The following ENO4 variants were observed in gnomAD, a reference collection of about 807,000 sequenced individuals.
ENO4 encodes enolase 4.
In ENO4, 53 loss-of-function variants were observed where a neutral mutation model predicts 63.2. The ratio of observed to expected loss-of-function variants is 0.84; its 90% CI spans 0.67 to 1.05. The LOEUF (loss-of-function observed/expected upper bound fraction) is 1.05, where lower values mean the gene tolerates loss of function less well. Among genes scored for constraint, ENO4 ranks in the 50% least tolerant of loss-of-function variants. The pLI is 0.00. For missense variants in ENO4, 719 were observed against 772.0 expected, an observed-to-expected ratio of 0.93 and a Z score of 0.81; for synonymous variants, 266 against 283.8, an observed-to-expected ratio of 0.94 and a Z score of 0.63.
intron 11 of ENO4, among the ~76,000 whole-genome samples, chr10:116,878,055 G>T (rs1275535380): frequency 6.6e-6 from 1 of 152,144 alleles, no homozygotes; most frequent in African/African-American, 2.4e-5. Flanking sequence ...TCCCTAACTG[G>T]TTCAGTTCTG....
At chr10:116,878,807 G>T (rs549480246) in intron 11 of ENO4, among the ~76,000 whole-genome samples, 56 of 146,280 alleles carry the variant, frequency 3.8e-4, no homozygotes, top group African/African-American at 1.3e-3. Context: ...GCAGTGGCGC[G>T]ATCTCAGCTC....
chr10:116,878,798 C>T (rs771031578), intron 11 of ENO4, among the ~76,000 whole-genome samples: 131 of 131,916 alleles, frequency 9.9e-4, no homozygotes, highest in Non-Finnish European at 1.5e-3. Flanking sequence ...AGCTGGAGTG[C>T]AGTGGCGCGA....
Position 116,881,670 on chromosome 10 carries a change from G to C in ENO4, c.*1G>C. 1 of 1,513,282 alleles carries C rather than the reference G, an allele frequency of 6.6e-7. No homozygotes were observed. Among genetic ancestry groups the C allele is most frequent in the Non-Finnish European group, 8.9e-7 (1 of 1,127,954 alleles). The allele number at this position is 1,513,282 out of a possible 1,614,324, so 93.7% of individuals were successfully genotyped here. Reference sequence around the variant, plus strand: ...CGAAACAGGAGCATCCTCTGGATAGGGCTGTACACACCCCAGGTTCCAGCC... The same window carrying C: ...CGAAACAGGAGCATCCTCTGGATAGCGCTGTACACACCCCAGGTTCCAGCC... On this transcript the variant is annotated 3_prime_UTR_variant, in exon 14 of 14. Coordinates refer to ENST00000341276, the MANE Select transcript of ENO4 (RefSeq NM_001242699.2).
At chr10:116,863,674 A>G (rs1172318590) in intron 7 of ENO4, among the ~76,000 whole-genome samples, 1 of 152,252 alleles carries the variant, frequency 6.6e-6, no homozygotes, top group Non-Finnish European at 1.5e-5. Flanking sequence ...ATAGCAGTGT[A>G]ACATGGAGGC....
At chr10:116,879,787 T>A (rs1051455713) in intron 12 of ENO4, 82 bp from the exon 13 acceptor site, 3 of 1,081,954 alleles carry the variant, frequency 2.8e-6, no homozygotes, top group Non-Finnish European at 4.0e-6. Flanking sequence ...ACTGTGACAG[T>A]TTCCTTTGTC....
chr10:116,862,391 C>T (rs1029035317), intron 6 of ENO4, among the ~76,000 whole-genome samples: 3 of 151,836 alleles, frequency 2.0e-5, no homozygotes, highest in Non-Finnish European at 4.4e-5. Context: ...TTGAACAATT[C>T]GGAGTTTGCA....
intron 11 of ENO4, among the ~76,000 whole-genome samples, chr10:116,877,810 T>C (rs1055409113): frequency 6.6e-6 from 1 of 152,168 alleles, no homozygotes; most frequent in African/African-American, 2.4e-5. Context: ...CCTTACAGCA[T>C]CCCTGTGAAG....
intron 10 of ENO4, among the ~76,000 whole-genome samples, chr10:116,899,546 T>TGTGTGTGA (rs1311755308): frequency 0.011 from 1,384 of 123,774 alleles, 27 homozygotes; most frequent in African/African-American, 0.039. Context: ...TGTGTGTGTG[T>TGTGTGTGA]GAGAGAGTGC....
At chr10:116,881,127 G>C (rs1256915737) in intron 13 of ENO4, among the ~76,000 whole-genome samples, 1 of 152,170 alleles carries the variant, frequency 6.6e-6, no homozygotes, top group East Asian at 1.9e-4. Flanking sequence ...TACATGTAAG[G>C]ACCTGACTGG....
At chr10:116,882,726 A>G (rs1001082043), downstream of ENO4, 4 of 152,180 alleles carry the variant, frequency 2.6e-5, no homozygotes, top group Non-Finnish European at 5.9e-5. Flanking sequence ...TAATTTCCTC[A>G]TAACAGAGCC....
chr10:116,909,295 C>T (rs1848097411), intron 10 of ENO4, among the ~76,000 whole-genome samples: 1 of 152,138 alleles, frequency 6.6e-6, no homozygotes, highest in Non-Finnish European at 1.5e-5. Context: ...GTTCATAATA[C>T]TAACTAATCT....
intron 10 of ENO4, among the ~76,000 whole-genome samples, chr10:116,898,459 T>C (rs1173399652): frequency 1.3e-5 from 2 of 152,122 alleles, no homozygotes; most frequent in Non-Finnish European, 2.9e-5. Context: ...CAGAAGAGCA[T>C]GAAAGCAAAA....
chr10:116,905,196 G>A (rs866330564), intron 10 of ENO4, among the ~76,000 whole-genome samples: 148 of 138,600 alleles, frequency 1.1e-3, no homozygotes, highest in African/African-American at 3.6e-3. Flanking sequence ...GCGACAGAGC[G>A]AGACTCCGTC....
At chr10:116,870,400 G>T (rs1846655400) in intron 8 of ENO4, among the ~76,000 whole-genome samples, 1 of 152,118 alleles carries the variant, frequency 6.6e-6, no homozygotes, top group Non-Finnish European at 1.5e-5. Flanking sequence ...GCCAACACCT[G>T]TAATCACAGC....
At position 116,874,115 on chromosome 10, in the gene ENO4, A is replaced by C. The variant is rs1269520088; in HGVS notation, c.1255A>C (p.Asn419His). The change falls in exon 10 of 14, where the codon AAT (asparagine) becomes CAT (histidine). Residue 419 changes from asparagine (N) to histidine (H), a missense_variant. Physicochemically the swap from Asn to His is moderately conservative, Grantham distance 68. This residue lies in a region of ENO4 where 544 missense variants were observed against 583.6 expected (regional missense o/e 0.93). Transcript: ENST00000341276. ...TGAAGTGATCATGGGCACATACAAAAATGCAGCGGAGATGGTTGACCTGTA... is the reference window on the plus strand; with the variant it reads ...TGAAGTGATCATGGGCACATACAAACATGCAGCGGAGATGGTTGACCTGTA... ...KYEVIMGTYKNAAEMVDLYVD... is the reference protein window; with the variant it reads ...KYEVIMGTYKHAAEMVDLYVD... 1 of 1,549,912 alleles carries C rather than the reference A, an allele frequency of 6.5e-7. No individual in the cohort carries two copies. Among genetic ancestry groups the C allele is most frequent in the South Asian group, 1.2e-5 (1 of 83,966 alleles).
chr10:116,888,550 A>C (rs755424309), intron 10 of ENO4, among the ~76,000 whole-genome samples: 18 of 152,118 alleles, frequency 1.2e-4, no homozygotes, highest in Non-Finnish European at 2.1e-4. Context: ...AGCTGCACCT[A>C]TCTCTCTCTC....
At chr10:116,860,693 G>T (rs1846386267) in intron 4 of ENO4, 101 bp from the exon 5 acceptor site, 1 of 907,274 alleles carries the variant, frequency 1.1e-6, no homozygotes, top group East Asian at 2.9e-5. Flanking sequence ...AGCATTTGTT[G>T]TTCCCAGCCT....
chr10:116,903,003 C>T (rs1361712928), intron 10 of ENO4, among the ~76,000 whole-genome samples: 2 of 152,134 alleles, frequency 1.3e-5, no homozygotes, highest in Non-Finnish European at 2.9e-5. Flanking sequence ...AATAGCGTAA[C>T]ATATCAACTC....
intron 2 of ENO4, among the ~76,000 whole-genome samples, chr10:116,856,030 T>A (rs1179894926): frequency 6.6e-6 from 1 of 152,214 alleles, no homozygotes; most frequent in Non-Finnish European, 1.5e-5. Context: ...ATTACTCATG[T>A]GATAGGTTCT....
Sources: gnomAD v4.1 joint callset for allele counts (sites outside exome capture counted in the v4.1 genomes callset) on GRCh38, gnomAD v4.1.1 for gene constraint, gnomAD v4.1.1 regional missense constraint, MANE v1.5 for transcripts, NCBI Gene and HGNC (gene_info 2026-07-23, HGNC 2026-07-21) for gene names.